The following HUWE1 variants were observed in gnomAD, a reference collection of about 807,000 sequenced individuals.
HUWE1 encodes E3 ubiquitin-protein ligase HUWE1.
In HUWE1, 18 loss-of-function variants were observed where a neutral mutation model predicts 299.4. That is an observed-to-expected ratio of 0.06 (90% confidence interval 0.04 to 0.09). The LOEUF (loss-of-function observed/expected upper bound fraction) is 0.09, where lower values mean the gene tolerates loss of function less well. HUWE1 is among the 10% of genes least tolerant of loss of function. HUWE1 has a pLI of 1.00. For missense variants in HUWE1, 1,832 were observed against 3,462.3 expected, an observed-to-expected ratio of 0.53 and a Z score of 11.82; for synonymous variants, 1,317 against 1,286.1, an observed-to-expected ratio of 1.02 and a Z score of -0.51.
intron 6 of HUWE1, among the ~76,000 whole-genome samples, chrX:53,646,351 TCTCA>T (rs1474958802): frequency 9.0e-6 from 1 of 110,641 alleles, no homozygotes; most frequent in Non-Finnish European, 1.9e-5. Flanking sequence ...AGCGATGGGG[TCTCA>T]CTATGTTGCC....
At chrX:53,553,386 C>A (rs1556931179) in intron 61 of HUWE1, among the ~76,000 whole-genome samples, 1 of 108,201 alleles carries the variant, frequency 9.2e-6, no homozygotes, top group Admixed American at 9.8e-5. Flanking sequence ...TCATGATCCA[C>A]CTGCCTCGGC....
In HUWE1 at chrX:53,627,414, C is replaced by T. The variant is rs782478482; in HGVS notation, c.1485G>A (p.Met495Ile). The T allele has an allele frequency of 3.6e-6, 4 of 1,098,001 alleles. No individual in the cohort carries two copies. The highest frequency in any genetic ancestry group is 5.0e-6 in the Non-Finnish European group (4 of 792,774). The allele number at this position is 1,098,001 out of a possible 1,213,427, so 90.5% of individuals were successfully genotyped here. ...TQEGEEMETDMDGVQCIPQRA... is the reference protein window; with the variant it reads ...TQEGEEMETDIDGVQCIPQRA... ...GACTTAATAACTGTTAATTACCATC[C>T]ATATCAGTTTCCATTTCCTCTCCTT... The change falls in exon 17 of 84, where the codon ATG (methionine) becomes ATA (isoleucine). Residue 495 changes from methionine to isoleucine, a missense_variant. This residue lies in a region of HUWE1 where 658 missense variants were observed against 1,282.6 expected (regional missense o/e 0.51). Transcript: ENST00000262854.
intron 44 of HUWE1, 119 bp downstream of exon 44, chrX:53,576,781 T>C (rs1556959141): frequency 3.0e-6 from 2 of 676,562 alleles, no homozygotes; most frequent in Admixed American, 2.4e-5. Context: ...TTATTCATCT[T>C]GAGCCCCAGA....
At position 53,626,216 on chromosome X, in the gene HUWE1, CGTGTGTGTGTGTGTGTGT is replaced by C. The variant is rs58080331; in HGVS notation, c.1490-976_1490-959del. On this transcript the variant is annotated intron_variant, in intron 17 of 83. Coordinates refer to ENST00000262854, the MANE Select transcript of HUWE1 (RefSeq NM_031407.7). Reference sequence around the variant, plus strand: ...ATGTATTAATACGTACATACATACACGTGTGTGTGTGTGTGTGTGTGTGTGTGTGTGTGTGTGTGTAAA... The same window carrying C: ...ATGTATTAATACGTACATACATACACGTGTGTGTGTGTGTGTGTGTGTAAA... 3.7e-4 allele frequency among the ~76,000 whole-genome samples: 35 copies of C among 94,924 alleles called. No individual in the cohort carries two copies. The South Asian group carries it at 0.012, about 33-fold the overall frequency. 82.4% of individuals were successfully genotyped at this position (94,924 alleles called of 115,157 possible).
intron 7 of HUWE1, among the ~76,000 whole-genome samples, chrX:53,643,032 T>C (rs1440710987): frequency 1.8e-5 from 2 of 112,456 alleles, no homozygotes; most frequent in Admixed American, 9.4e-5. Context: ...TTTAACTACA[T>C]TGGTAACTAT....
chrX:53,548,306 G>A, intron 67 of HUWE1, 33 bp from the exon 68 acceptor site: 2 of 1,199,578 alleles, frequency 1.7e-6, no homozygotes, highest in South Asian at 1.8e-5. Context: ...GCTTGGTCTA[G>A]GACGTCTTCA....
intron 75 of HUWE1, among the ~76,000 whole-genome samples, chrX:53,539,309 C>T (rs190307051): frequency 2.5e-4 from 19 of 77,500 alleles, no homozygotes; most frequent in African/African-American, 8.4e-4. Context: ...AGTGAGACCT[C>T]ATTTCTGATT....
intron 7 of HUWE1, among the ~76,000 whole-genome samples, chrX:53,644,162 C>T (rs1022511894): frequency 8.0e-5 from 9 of 112,365 alleles, no homozygotes; most frequent in African/African-American, 2.9e-4. Context: ...TCGCTTCTTT[C>T]TTTTCTGTTG....
At chrX:53,635,867 C>CTGAAGATG (rs2067179764) in intron 7 of HUWE1, among the ~76,000 whole-genome samples, 17 of 111,229 alleles carry the variant, frequency 1.5e-4, no homozygotes, top group African/African-American at 5.6e-4. Flanking sequence ...CACAAAGGTA[C>CTGAAGATG]CTACTATAGA....
At chrX:53,659,709 A>G (rs1243984211) in intron 3 of HUWE1, among the ~76,000 whole-genome samples, 5 of 111,969 alleles carry the variant, frequency 4.5e-5, no homozygotes, top group Admixed American at 2.8e-4. Context: ...TGATGTATCA[A>G]TGTAGATTAA....
Position 53,581,514 on chromosome X carries a change from T to C in HUWE1, c.5521-488A>G, listed in dbSNP as rs2063612880. On this transcript the variant is annotated intron_variant, in intron 42 of 83. Transcript: ENST00000262854. ...GCCTTGATAACACAGGGCTTACATA[T>C]AGCTATGCTTCTGCTCTTCTCATAA... Among the ~76,000 whole-genome samples the C allele has an allele frequency of 2.7e-5, 3 of 112,630 alleles. No individual in the cohort carries two copies. The South Asian group carries it at 1.1e-3, about 41-fold the overall frequency.
intron 69 of HUWE1, 23 bp from the exon 70 acceptor site, chrX:53,546,615 A>G: frequency 8.3e-6 from 10 of 1,209,065 alleles, no homozygotes; most frequent in Non-Finnish European, 1.1e-5. Flanking sequence ...AGACAGAAGG[A>G]GTAAGCCCCA....
At position 53,550,931 on chromosome X, in the gene HUWE1, A is replaced by C. The variant is rs782495677; in HGVS notation, c.9355T>G (p.Ser3119Ala). 8.3e-7 allele frequency: 1 copy of C among 1,209,876 alleles called. No homozygotes were observed. Among genetic ancestry groups the C allele is most frequent in the Non-Finnish European group, 1.1e-6 (1 of 895,162 alleles). Residue 3119 changes from serine to alanine, a missense_variant, in exon 65 of 84, where the codon TCC (serine) becomes GCC (alanine). By Grantham distance (99) the Ser-to-Ala change is moderately conservative. This residue lies in a region of HUWE1 where 91 missense variants were observed against 281.2 expected (regional missense o/e 0.32). Coordinates refer to ENST00000262854, the MANE Select transcript of HUWE1 (RefSeq NM_031407.7). ...CTTCGGAGAATAGCAGAGAGTGCGG[A>C]GGTGCTACTGTGCCCAAACAGACGC... The part of the protein sequence containing the change: ...HERLFGHSST[S>A]ALSAILRSPA...
At chrX:53,635,831 CAG>C (rs1446961140) in intron 7 of HUWE1, among the ~76,000 whole-genome samples, 1 of 111,583 alleles carries the variant, frequency 9.0e-6, no homozygotes, top group Non-Finnish European at 1.9e-5. Context: ...CAAAAACAAA[CAG>C]TGTAAACCAC....
At chrX:53,578,287 G>A (rs1352871615) in intron 43 of HUWE1, among the ~76,000 whole-genome samples, 2 of 106,736 alleles carry the variant, frequency 1.9e-5, no homozygotes, top group Non-Finnish European at 3.9e-5. Context: ...CCCTCCGTCC[G>A]GCAGCCACCC....
intron 3 of HUWE1, among the ~76,000 whole-genome samples, chrX:53,658,608 G>A (rs1296169328): frequency 9.0e-6 from 1 of 111,407 alleles, no homozygotes; most frequent in African/African-American, 3.3e-5. Context: ...TCAATATAAT[G>A]GACAAAAGAT....
At chrX:53,641,009 G>GT (rs782610132) in intron 7 of HUWE1, among the ~76,000 whole-genome samples, 1 of 111,627 alleles carries the variant, frequency 9.0e-6, no homozygotes, top group East Asian at 2.8e-4. Flanking sequence ...GATCAAAGCT[G>GT]TATTTTTAAT....
At chrX:53,635,217 GAT>G (rs2067131275) in intron 7 of HUWE1, among the ~76,000 whole-genome samples, 1 of 108,376 alleles carries the variant, frequency 9.2e-6, no homozygotes, top group South Asian at 3.8e-4. Context: ...CATATAAAAA[GAT>G]ATTTTGTATA....
chrX:53,641,582 T>TG (rs1238436290), intron 7 of HUWE1, among the ~76,000 whole-genome samples: 7 of 111,918 alleles, frequency 6.3e-5, no homozygotes, highest in Non-Finnish European at 1.3e-4. Context: ...TTTTCTTCAA[T>TG]CGGTGCAACA....
Sources: allele counts gnomAD v4.1 joint callset (sites outside exome capture counted in the v4.1 genomes callset), GRCh38; gene constraint gnomAD v4.1.1; regional missense constraint gnomAD v4.1.1; transcripts MANE v1.5; gene names NCBI Gene and HGNC (gene_info 2026-07-23, HGNC 2026-07-21).